SMC1A: variants seen among roughly 807,000 people sequenced by gnomAD.
The protein encoded by SMC1A is structural maintenance of chromosomes protein 1A.
A neutral mutation model predicts 94.5 loss-of-function variants in SMC1A; 4 were observed. That is an observed-to-expected ratio of 0.04 (90% CI 0.02 to 0.10). The LOEUF is 0.10. Ranked by LOEUF, SMC1A falls within the 10% of genes least tolerant of loss-of-function variation. The pLI is 1.00. For synonymous variants in SMC1A, 345 were observed against 347.7 expected (o/e 0.99, Z 0.09); for missense variants, 304 against 989.0 (o/e 0.31, Z 9.29).
intron 19 of SMC1A, among the ~76,000 whole-genome samples, chrX:53,385,967 G>A (rs1484492387): frequency 1.8e-5 from 2 of 111,937 alleles, no homozygotes; most frequent in Admixed American, 9.5e-5. Context: ...TACATTTAGC[G>A]TTGAAAAACC....
chrX:53,402,885 A>AAAAAAAAAAAAAAAAAAAAAAAAG (rs1447321369), intron 15 of SMC1A, among the ~76,000 whole-genome samples: 2 of 86,974 alleles, frequency 2.3e-5, no homozygotes, highest in East Asian at 3.9e-4. Context: ...AAAAAAAAAA[A>AAAAAAAAAAAAAAAAAAAAAAAAG]GGGCCGGCAA....
chrX:53,398,621 A>G (rs2075660343), intron 16 of SMC1A, among the ~76,000 whole-genome samples: 1 of 111,329 alleles, frequency 9.0e-6, no homozygotes, highest in African/African-American at 3.3e-5. Context: ...ATATATTTAT[A>G]TATACTTAAG....
rs781856394 is a variant in SMC1A, at chrX:53,389,620, C to T, written c.2973+5158G>A. ...TGGCGGGCACCTGTAATCCTAGCTA[C>T]TCAGGAGGCTGAGGCAGGAGAATCG... On this transcript the variant is annotated intron_variant, in intron 19 of 24. Transcript: ENST00000322213. Among the ~76,000 whole-genome samples the T allele has an allele frequency of 7.3e-5, 8 of 110,019 alleles. No individual in the cohort carries two copies. The East Asian group carries it at 2.3e-3, about 32-fold the overall frequency.
At chrX:53,419,098 TTA>T (rs1419241082) in intron 1 of SMC1A, among the ~76,000 whole-genome samples, 1 of 108,063 alleles carries the variant, frequency 9.3e-6, no homozygotes, top group East Asian at 2.9e-4. Flanking sequence ...GAGGAACAGT[TTA>T]GTCTCTATAA....
At chrX:53,415,463 A>T (rs2075728049) in intron 1 of SMC1A, among the ~76,000 whole-genome samples, 1 of 110,511 alleles carries the variant, frequency 9.0e-6, no homozygotes, top group South Asian at 3.8e-4. Context: ...CGAGGCAGGA[A>T]GATCGCTTGA....
intron 24 of SMC1A, 111 bp downstream of exon 24, chrX:53,380,509 C>A: frequency 7.1e-6 from 4 of 561,514 alleles, no homozygotes; most frequent in Middle Eastern, 4.8e-4. Flanking sequence ...CCATTCAGGA[C>A]CTGATTCCCT....
rs782043872 is a variant in SMC1A at position 53,397,961 on chromosome X, G to A, written c.2563-1344C>T. On this transcript the variant is annotated intron_variant, in intron 16 of 24. Coordinates refer to ENST00000322213, the MANE Select transcript of SMC1A (RefSeq NM_006306.4). ...AGCACTTTGGGAGGCAGAGGCGGGC[G>A]GATCACTTGAGGCCAGGAGTTCCAG... 8.2e-5 allele frequency among the ~76,000 whole-genome samples: 9 copies of A among 109,632 alleles called. No individual in the cohort carries two copies. In the South Asian group the frequency reaches 1.2e-3, roughly 14 times the overall value.
In SMC1A at chrX:53,402,885, A is replaced by AAAAAAAAG. The variant is rs1447321369; in HGVS notation, c.2420+680_2420+681insCTTTTTTT. 4.0e-3 allele frequency among the ~76,000 whole-genome samples: 347 copies of AAAAAAAAG among 86,958 alleles called. 10 individuals are homozygous for AAAAAAAAG. Among genetic ancestry groups the AAAAAAAAG allele is most frequent in the African/African-American group, 0.015 (341 of 22,200 alleles). 75.5% of individuals were successfully genotyped at this position (86,958 alleles called of 115,157 possible). A position where few individuals can be genotyped will look rare whatever the true frequency, so the allele number is the denominator to read the frequency against. ...CTCTGTCTCAAAAAAAAAAAAAAAA[A>AAAAAAAAG]GGGCCGGCAATATGGCTCACACCTA... On this transcript the variant is annotated intron_variant, in intron 15 of 24. Transcript: ENST00000322213.
intron 22 of SMC1A, 145 bp downstream of exon 22, chrX:53,382,087 T>C (rs2075585448): frequency 1.4e-6 from 1 of 701,294 alleles, no homozygotes. Flanking sequence ...AAGCCAGATA[T>C]GCTGCAGTAG....
At chrX:53,422,134 C>T in intron 1 of SMC1A, 1 of 987,194 alleles carries the variant, frequency 1.0e-6, no homozygotes, top group Non-Finnish European at 1.4e-6. Context: ...GGCTGGGAAG[C>T]CGGCTCCGGC....
chrX:53,410,937 A>AAAAAAAAAAAAAAAAAAAAG (rs2075709734), intron 7 of SMC1A, among the ~76,000 whole-genome samples: 1 of 88,175 alleles, frequency 1.1e-5, no homozygotes, highest in Non-Finnish European at 2.2e-5. Flanking sequence ...AAAAAAAAAA[A>AAAAAAAAAAAAAAAAAAAAG]AAAAAAAAGT....
intron 20 of SMC1A, 53 bp downstream of exon 20, chrX:53,383,044 T>G: frequency 1.8e-6 from 2 of 1,133,477 alleles, no homozygotes; most frequent in Non-Finnish European, 2.4e-6. Flanking sequence ...GCCCGTGGCA[T>G]ACCCTTAGCC....
At position 53,413,032 on chromosome X, in the gene SMC1A, T is replaced by C; in HGVS notation, c.722A>G (p.Glu241Gly). The change falls in exon 5 of 25, where the codon GAA (glutamate) becomes GGA (glycine). Residue 241 changes from glutamate to glycine, a missense_variant. This residue lies in a region of SMC1A where 120 missense variants were observed against 314.9 expected (regional missense o/e 0.38). Coordinates refer to ENST00000322213, the MANE Select transcript of SMC1A (RefSeq NM_006306.4). Reference sequence around the variant, plus strand: ...GATCTCCTTGTTCTTTGAGGCCAGTTCCTTGTTGAGCTTCTCAATTTCCAC... The same window carrying C: ...GATCTCCTTGTTCTTTGAGGCCAGTCCCTTGTTGAGCTTCTCAATTTCCAC... ...NEVEIEKLNK[E>G]LASKNKEIEK... 8.3e-7 allele frequency: 1 copy of C among 1,211,617 alleles called. No homozygotes were observed. Among genetic ancestry groups the C allele is most frequent in the Non-Finnish European group, 1.1e-6 (1 of 895,303 alleles).
intron 13 of SMC1A, 36 bp from the exon 14 acceptor site, chrX:53,403,929 G>C: frequency 9.8e-7 from 1 of 1,019,863 alleles, no homozygotes; most frequent in Non-Finnish European, 1.4e-6. Flanking sequence ...AAGCAGACCA[G>C]GCTCCTTGGA....
chrX:53,394,865 T>G lies in SMC1A; in HGVS notation c.2886A>C (p.Ser962=), dbSNP rs782788248. The G allele has an allele frequency of 9.2e-6, 11 of 1,196,893 alleles. No individual in the cohort carries two copies. In the East Asian group the frequency reaches 3.3e-4, roughly 36 times the overall value. The change falls in exon 19 of 25, where the codon TCA becomes TCC. Residue 962 remains serine (S), a synonymous_variant. Transcript: ENST00000322213. Reference sequence around the variant, plus strand: ...TGGAAATTCTCTGTGAACCACTCACTGAGTCCTCCCCCTGGGAGCTACCCT... The same window carrying G: ...TGGAAATTCTCTGTGAACCACTCACGGAGTCCTCCCCCTGGGAGCTACCCT... ...QEEGSSQGED[S]VSGSQRISSI...
intron 9 of SMC1A, among the ~76,000 whole-genome samples, chrX:53,407,641 TG>T (rs1556889938): frequency 9.0e-6 from 1 of 111,408 alleles, no homozygotes; most frequent in African/African-American, 3.3e-5. Context: ...CCTGAAGTCT[TG>T]GACTGAGCCC....
chrX:53,408,603 G>T (rs1450849866), intron 9 of SMC1A, among the ~76,000 whole-genome samples: 1 of 111,003 alleles, frequency 9.0e-6, no homozygotes, highest in Non-Finnish European at 1.9e-5. Context: ...AAAGCTCAGG[G>T]TGTCCCTAAA....
At chrX:53,383,491 T>C (rs1300347702) in intron 19 of SMC1A, among the ~76,000 whole-genome samples, 1 of 112,148 alleles carries the variant, frequency 8.9e-6, no homozygotes, top group Non-Finnish European at 1.9e-5. Context: ...TCTCTAGCCC[T>C]TCCCCCAGGC....
At chrX:53,414,697 A>C in intron 3 of SMC1A, 61 bp downstream of exon 3, 2 of 697,484 alleles carry the variant, frequency 2.9e-6, no homozygotes, top group South Asian at 2.1e-5. Context: ...GAGCAGACAG[A>C]GTGGGGATGG....
Sources: gnomAD v4.1 joint callset for allele counts (sites outside exome capture counted in the v4.1 genomes callset) on GRCh38, gnomAD v4.1.1 for gene constraint, gnomAD v4.1.1 regional missense constraint, MANE v1.5 for transcripts, NCBI Gene and HGNC (gene_info 2026-07-23, HGNC 2026-07-21) for gene names.